The following TBC1D9B variants were observed in gnomAD, a reference collection of about 807,000 sequenced individuals.
TBC1D9B encodes the protein TBC1 domain family, member 9B (with GRAM domain).
TBC1D9B carries 87 observed loss-of-function variants against 121.1 expected under a neutral mutation model. The observed-to-expected ratio is 0.72, with a 90% CI of 0.60 to 0.86. The LOEUF is 0.86. TBC1D9B is among the 40% of genes least tolerant of loss of function. The probability of loss-of-function intolerance (pLI) is 0.00; values close to 1 mark genes in which losing one functional copy is unlikely to be tolerated. For missense variants in TBC1D9B, 1,540 were observed against 1,628.6 expected (o/e 0.95, Z 0.94); for synonymous variants, 668 against 670.1 (o/e 1.00, Z 0.05).
intron 9 of TBC1D9B, 107 bp from the exon 10 acceptor site, chr5:179,878,630 T>A: frequency 1.8e-6 from 2 of 1,110,826 alleles, no homozygotes; most frequent in Non-Finnish European, 2.6e-6. Context: ...GAGGTGGGAC[T>A]TGGGGTCAAG....
chr5:179,886,213 T>C (rs572513596), intron 7 of TBC1D9B, among the ~76,000 whole-genome samples: 5 of 152,160 alleles, frequency 3.3e-5, no homozygotes, highest in Non-Finnish European at 7.4e-5. Flanking sequence ...CCTGACATAT[T>C]GTATGTTTAT....
At position 179,906,952 on chromosome 5, in the gene TBC1D9B, G is replaced by A. The variant is rs535289191; in HGVS notation, c.118+752C>T. Among the ~76,000 whole-genome samples the A allele has an allele frequency of 1.1e-4, 17 of 152,342 alleles. No homozygotes were observed. The East Asian group carries it at 1.9e-3, about 17-fold the overall frequency. On this transcript the variant is annotated intron_variant, in intron 1 of 20. Coordinates refer to ENST00000355235, the MANE Select transcript of TBC1D9B (RefSeq NM_015043.4). ...CTGGGCGCAGGCCCTGGAGCATGAG[G>A]GGCCCCGGACACCACCTGCGGAGGG...
At chr5:179,877,285 G>C (rs1274790676) in intron 10 of TBC1D9B, among the ~76,000 whole-genome samples, 1 of 151,736 alleles carries the variant, frequency 6.6e-6, no homozygotes, top group African/African-American at 2.4e-5. Flanking sequence ...AAGATCCCCT[G>C]GTCCAAGGAG....
chr5:179,893,905 T>C (rs1399933018), intron 4 of TBC1D9B, among the ~76,000 whole-genome samples: 1 of 151,958 alleles, frequency 6.6e-6, no homozygotes, highest in Non-Finnish European at 1.5e-5. Flanking sequence ...AGGGAGGCTG[T>C]GGGCTGAGGG....
chr5:179,878,875 T>C (rs1214292087), intron 9 of TBC1D9B, among the ~76,000 whole-genome samples, 172 bp downstream of exon 9: 1 of 150,076 alleles, frequency 6.7e-6, no homozygotes. Context: ...CTCCTTCTGG[T>C]TGGGTCCCGG....
chr5:179,865,768 GAA>G lies in TBC1D9B; in HGVS notation c.2914+68_2914+69del, dbSNP rs556635329. On this transcript the variant is annotated intron_variant, in intron 19 of 20. Coordinates refer to ENST00000355235, the MANE Select transcript of TBC1D9B (RefSeq NM_015043.4). The surrounding 1 kb of genome is among the most constrained non-coding windows in gnomAD (Gnocchi z 5.1). ...AGGGGGCTCCCTGGCAGTGACTGGGGAAAAGACCAGCAAGCAAGGGTGCCTCA... is the reference window on the plus strand; with the variant it reads ...AGGGGGCTCCCTGGCAGTGACTGGGGAAGACCAGCAAGCAAGGGTGCCTCA... The G allele has an allele frequency of 1.3e-6, 2 of 1,510,004 alleles. No individual in the cohort carries two copies. Among genetic ancestry groups the G allele is most frequent in the South Asian group, 1.3e-5 (1 of 76,410 alleles). The allele number at this position is 1,510,004 out of a possible 1,614,324, so 93.5% of individuals were successfully genotyped here.
At position 179,891,433 on chromosome 5, in the gene TBC1D9B, G is replaced by A. The variant is rs1760858875; in HGVS notation, c.990C>T (p.Ile330=). ...PGQMFISNNY[I]CFASKEEDAC... ...CGTCCTCCTCCTTGCTGGCGAAGCA[G>A]ATGTAGTTGTTGGAGATGAACATCT... Residue 330 remains isoleucine, a synonymous_variant, in exon 6 of 21, where the codon ATC becomes ATT. Coordinates refer to ENST00000355235, the MANE Select transcript of TBC1D9B (RefSeq NM_015043.4). This position sits in a 1 kb window ranked among gnomAD's most constrained non-coding sequence, Gnocchi z 4.3. 3 of 1,614,154 alleles carry A rather than the reference G, an allele frequency of 1.9e-6. No individual in the cohort carries two copies. Among genetic ancestry groups the A allele is most frequent in the Non-Finnish European group, 2.5e-6 (3 of 1,180,062 alleles).
At chr5:179,872,868 G>A (rs748599928) in intron 14 of TBC1D9B, 24 bp downstream of exon 14, 36 of 1,060,336 alleles carry the variant, frequency 3.4e-5, no homozygotes, top group Admixed American at 2.4e-4. Flanking sequence ...CCCAGCCCCT[G>A]CCCAGCCCTG....
Position 179,871,481 on chromosome 5 carries a change from TC to T in TBC1D9B, c.2464del (p.Asp822ThrfsTer50). 1 of 1,613,078 alleles carries T rather than the reference TC, an allele frequency of 6.2e-7. No homozygotes were observed. On this transcript the variant is annotated frameshift_variant, in exon 15 of 21. Coordinates refer to ENST00000355235, the MANE Select transcript of TBC1D9B (RefSeq NM_015043.4). LOFTEE classifies it high-confidence loss of function. ...TGTCACCTTAAACACCATGTAAAGG[TC>T]CTCCAGCTCTTCAATGGAGAAACCA... Reference protein sequence around the residue: ...DIGFSIEELEDLYMVFKAKHL... With the variant: ...DIGFSIEELEXLYMVFKAKHL...
chr5:179,872,620 G>T, intron 14 of TBC1D9B: 1 of 469,200 alleles, frequency 2.1e-6, no homozygotes, highest in Non-Finnish European at 3.8e-6. Flanking sequence ...GGGCGGGCTC[G>T]GCCCAGAGGG....
chr5:179,881,552 C>T (rs1760540510), intron 7 of TBC1D9B, among the ~76,000 whole-genome samples: 2 of 152,188 alleles, frequency 1.3e-5, no homozygotes, highest in African/African-American at 4.8e-5. Flanking sequence ...TCCAGTTGTA[C>T]ACCGTATGTT....
intron 16 of TBC1D9B, 125 bp from the exon 17 acceptor site, chr5:179,869,959 G>A (rs1428381374): frequency 6.8e-6 from 7 of 1,026,240 alleles, no homozygotes; most frequent in East Asian, 5.2e-5. Context: ...GTCACAGGGT[G>A]AGTCCCAGAT....
chr5:179,890,481 C>T lies in TBC1D9B; in HGVS notation c.1044+898G>A, dbSNP rs1465097471. 3.9e-5 allele frequency among the ~76,000 whole-genome samples: 6 copies of T among 152,188 alleles called. No homozygotes were observed. In the South Asian group the frequency reaches 1.0e-3, roughly 26 times the overall value. ...CTAACAGAATGTGGGGTTCGGGTCACACCTGAGCCTCTTAACCTGGAGCTT... is the reference window on the plus strand; with the variant it reads ...CTAACAGAATGTGGGGTTCGGGTCATACCTGAGCCTCTTAACCTGGAGCTT... On this transcript the variant is annotated intron_variant, in intron 6 of 20. Coordinates refer to ENST00000355235, the MANE Select transcript of TBC1D9B (RefSeq NM_015043.4). The surrounding 1 kb of genome is among the most constrained non-coding windows in gnomAD (Gnocchi z 5.0).
chr5:179,866,517 C>T (rs1002225303), intron 18 of TBC1D9B: 2 of 152,410 alleles, frequency 1.3e-5, no homozygotes, highest in Non-Finnish European at 2.9e-5. Flanking sequence ...CACCCCAGTT[C>T]TGAGCTGCTC....
At position 179,895,437 on chromosome 5, in the gene TBC1D9B, G is replaced by C. The variant is rs543923884; in HGVS notation, c.349-823C>G. ...AGCGCTTCTCTTATCACATCCTGGA[G>C]GACGTCCTGCACTTGGCCCCCTGTA... On this transcript the variant is annotated intron_variant, in intron 3 of 20. Transcript: ENST00000355235. Among the ~76,000 whole-genome samples the C allele has an allele frequency of 5.3e-5, 8 of 152,256 alleles. No homozygotes were observed. In the South Asian group the frequency reaches 1.7e-3, roughly 32 times the overall value.
chr5:179,905,069 G>C (rs186471178), intron 1 of TBC1D9B, among the ~76,000 whole-genome samples: 8 of 152,348 alleles, frequency 5.3e-5, no homozygotes. Context: ...GGCAGAGGCA[G>C]ATACAAGTTT....
rs1395556032 is a variant in TBC1D9B, at chr5:179,865,832, C to G, written c.2914+6G>C. 1 of 1,601,956 alleles carries G rather than the reference C, an allele frequency of 6.2e-7. No individual in the cohort carries two copies. The highest frequency in any genetic ancestry group is 1.1e-5 in the South Asian group (1 of 88,790). Reference sequence around the variant, plus strand: ...TCTAAGAACAGCGGCAGAGAATGGCCTGTACCTCCTCTCTCCTCACTTCCA... The same window carrying G: ...TCTAAGAACAGCGGCAGAGAATGGCGTGTACCTCCTCTCTCCTCACTTCCA... On this transcript the variant is annotated splice_donor_region_variant and intron_variant, in intron 19 of 20. Coordinates refer to ENST00000355235, the MANE Select transcript of TBC1D9B (RefSeq NM_015043.4). The surrounding 1 kb of genome is among the most constrained non-coding windows in gnomAD (Gnocchi z 5.1).
intron 2 of TBC1D9B, among the ~76,000 whole-genome samples, chr5:179,903,736 A>G (rs1171218765): frequency 6.6e-6 from 1 of 152,182 alleles, no homozygotes; most frequent in Non-Finnish European, 1.5e-5. Context: ...ACAAGGCACA[A>G]CTCAGCCTTC....
At chr5:179,884,412 T>C (rs1760621232) in intron 7 of TBC1D9B, 1 of 152,172 alleles carries the variant, frequency 6.6e-6, no homozygotes, top group Admixed American at 6.5e-5. Context: ...CCACAGTTGG[T>C]GGTCTGGCCT....
Sources: allele counts gnomAD v4.1 joint callset (sites outside exome capture counted in the v4.1 genomes callset), GRCh38; gene constraint gnomAD v4.1.1; non-coding constraint Gnocchi (gnomAD v3.1); transcripts MANE v1.5; gene names NCBI Gene and HGNC (gene_info 2026-07-23, HGNC 2026-07-21).